The following FAM199X variants were observed in gnomAD, a reference collection of about 807,000 sequenced individuals.
FAM199X encodes the protein protein FAM199X.
FAM199X carries 4 observed loss-of-function variants against 22.9 expected under a neutral mutation model. The observed-to-expected ratio is 0.17, with a 90% CI of 0.09 to 0.40. The LOEUF (loss-of-function observed/expected upper bound fraction) is 0.40, where lower values mean the gene tolerates loss of function less well. FAM199X is among the 10% of genes least tolerant of loss of function. FAM199X has a pLI of 1.00. For missense variants in FAM199X, 183 were observed against 306.8 expected, an observed-to-expected ratio of 0.60 and a Z score of 3.01; for synonymous variants, 101 against 112.3, an observed-to-expected ratio of 0.90 and a Z score of 0.64.
At chrX:104,178,541 G>A (rs1921553328) in intron 2 of FAM199X, among the ~76,000 whole-genome samples, 1 of 111,255 alleles carries the variant, frequency 9.0e-6, no homozygotes, top group Non-Finnish European at 1.9e-5. Context: ...TCATCCTCCT[G>A]AGTATCTGGG....
At chrX:104,172,255 A>G (rs1246109918) in intron 1 of FAM199X, among the ~76,000 whole-genome samples, 1 of 106,832 alleles carries the variant, frequency 9.4e-6, no homozygotes, top group Non-Finnish European at 1.9e-5. Flanking sequence ...AAAAAAAAAA[A>G]AAGAAATGTG....
intron 2 of FAM199X, among the ~76,000 whole-genome samples, chrX:104,184,253 A>T (rs1394799448): frequency 8.9e-6 from 1 of 112,573 alleles, no homozygotes; most frequent in Non-Finnish European, 1.9e-5. Context: ...ACATGTGATC[A>T]CAATAGTCTT....
upstream of FAM199X, among the ~76,000 whole-genome samples, chrX:104,165,748 C>G (rs1556373607): frequency 2.7e-5 from 3 of 110,765 alleles, no homozygotes. Flanking sequence ...CAAGTTGATT[C>G]AAGTTGAACA....
At chrX:104,160,013 T>C in the FAM199X span, among the ~76,000 whole-genome samples, 1 of 112,355 alleles carries the variant, frequency 8.9e-6, no homozygotes, top group African/African-American at 3.2e-5. Flanking sequence ...ACTCCGCTGC[T>C]GCTGAGAGCA....
intron 2 of FAM199X, among the ~76,000 whole-genome samples, chrX:104,179,189 A>AT (rs1361854279): frequency 8.9e-6 from 1 of 111,741 alleles, no homozygotes; most frequent in African/African-American, 3.3e-5. Context: ...AGTAGTTGGG[A>AT]TTTTGGTAGA....
intron 2 of FAM199X, among the ~76,000 whole-genome samples, chrX:104,180,914 G>A (rs1921637179): frequency 8.9e-6 from 1 of 112,263 alleles, no homozygotes; most frequent in Admixed American, 9.4e-5. Context: ...GAAGAAAAAT[G>A]CTCACTACTT....
rs1253284519 is a variant in FAM199X at position 104,195,536 on chromosome X, T to C, written c.*5758T>C. On this transcript the variant is annotated 3_prime_UTR_variant, in exon 6 of 6. Coordinates refer to ENST00000493442, the MANE Select transcript of FAM199X (RefSeq NM_207318.4). ...GCTATTACTGGGCAGTAGGTCTAAT[T>C]TTTTTTGACAAAAAATAGATCTATT... The C allele has an allele frequency of 2.7e-5, 3 of 111,357 alleles. No individual in the cohort carries two copies. Among genetic ancestry groups the C allele is most frequent in the Non-Finnish European group, 5.7e-5 (3 of 53,003 alleles). 9.2% of individuals were successfully genotyped at this position (111,357 alleles called of 1,213,427 possible).
At chrX:104,189,338 T>C (rs960523339) in intron 5 of FAM199X, among the ~76,000 whole-genome samples, 2 of 111,517 alleles carry the variant, frequency 1.8e-5, no homozygotes, top group Admixed American at 1.9e-4. Context: ...AAAAAAGAAG[T>C]CTTTGAAGTG....
chrX:104,183,672 C>A (rs998755471), intron 2 of FAM199X, among the ~76,000 whole-genome samples: 1 of 111,288 alleles, frequency 9.0e-6, no homozygotes, highest in South Asian at 3.7e-4. Context: ...GCCATGTTGG[C>A]CAGGCTGGTC....
rs1160535309 is a variant in FAM199X, at chrX:104,195,011, G to A, written c.*5233G>A. Reference sequence around the variant, plus strand: ...AGCCTGTTTTCCCTGAAGCTGTGAGGGAATAACAATAGTTGTATCATAAGT... The same window carrying A: ...AGCCTGTTTTCCCTGAAGCTGTGAGAGAATAACAATAGTTGTATCATAAGT... On this transcript the variant is annotated 3_prime_UTR_variant, in exon 6 of 6. Transcript: ENST00000493442. 9.1e-6 allele frequency: 1 copy of A among 109,441 alleles called. No homozygotes were observed. The highest frequency in any genetic ancestry group is 1.9e-5 in the Non-Finnish European group (1 of 52,566). 9.0% of individuals were successfully genotyped at this position (109,441 alleles called of 1,213,427 possible). A position where few individuals can be genotyped will look rare whatever the true frequency, so the allele number is the denominator to read the frequency against.
At chrX:104,168,460 A>G (rs782559676) in intron 1 of FAM199X, among the ~76,000 whole-genome samples, 1 of 112,764 alleles carries the variant, frequency 8.9e-6, no homozygotes, top group East Asian at 2.8e-4. Flanking sequence ...AATGTAACAT[A>G]TTCATGAAAT....
chrX:104,157,358 C>T, the FAM199X span, among the ~76,000 whole-genome samples: 3 of 110,972 alleles, frequency 2.7e-5, no homozygotes, highest in East Asian at 8.5e-4. Flanking sequence ...CCCTTTCTAC[C>T]CTCTATTCTC....
Position 104,186,164 on chromosome X carries a change from G to A in FAM199X, c.516G>A (p.Lys172=). ...GCCTGCTTCCTAAAAAGAAAAACAA[G>A]CACCGGAATTTAGATGAACTCCCTT... The part of the protein sequence containing the change: ...SPCLLPKKKN[K]HRNLDELPWS... Residue 172 remains lysine, a synonymous_variant, in exon 3 of 6, where the codon AAG becomes AAA. Coordinates refer to ENST00000493442, the MANE Select transcript of FAM199X (RefSeq NM_207318.4). 1.7e-6 allele frequency: 2 copies of A among 1,210,800 alleles called. No individual in the cohort carries two copies. The highest frequency in any genetic ancestry group is 1.1e-6 in the Non-Finnish European group (1 of 895,176).
At chrX:104,185,993 A>G (rs947877243) in intron 2 of FAM199X, 73 bp from the exon 3 acceptor site, 11 of 987,933 alleles carry the variant, frequency 1.1e-5, no homozygotes, top group Admixed American at 8.4e-5. Context: ...TGTGGAAAAT[A>G]TATTGTAGTA....
intron 2 of FAM199X, among the ~76,000 whole-genome samples, chrX:104,185,436 C>G (rs1256716179): frequency 5.4e-5 from 6 of 110,949 alleles, no homozygotes; most frequent in African/African-American, 2.0e-4. Context: ...ATGATTGACT[C>G]TTCGGTTACC....
In FAM199X at chrX:104,166,935, GTCC is replaced by G. The variant is rs781905559; in HGVS notation, c.155_157del (p.Ser52del). 4 of 1,192,113 alleles carry G rather than the reference GTCC, an allele frequency of 3.4e-6. No individual in the cohort carries two copies. The highest frequency in any genetic ancestry group is 3.4e-6 in the Non-Finnish European group (3 of 885,140). Reference sequence around the variant, plus strand: ...ACATCAGCGACTTCGGCTGCCAGCTGTCCTCCTGCCATCGCACCGACCCGCTCC... The same window carrying G: ...ACATCAGCGACTTCGGCTGCCAGCTGTCCTGCCATCGCACCGACCCGCTCC... On this transcript the variant is annotated inframe_deletion, in exon 1 of 6. Transcript: ENST00000493442.
intron 1 of FAM199X, among the ~76,000 whole-genome samples, 170 bp from the exon 2 acceptor site, chrX:104,175,453 G>A (rs1382448233): frequency 2.7e-5 from 3 of 111,624 alleles, no homozygotes; most frequent in South Asian, 3.7e-4. Flanking sequence ...TCCTAGACAT[G>A]TATCATTCAT....
intron 1 of FAM199X, among the ~76,000 whole-genome samples, chrX:104,172,763 C>A (rs1245505627): frequency 1.9e-5 from 2 of 107,996 alleles, no homozygotes; most frequent in African/African-American, 6.8e-5. Context: ...AGAATTTTTA[C>A]AAACTAAAAA....
At chrX:104,174,711 T>C (rs1921446854) in intron 1 of FAM199X, among the ~76,000 whole-genome samples, 1 of 111,885 alleles carries the variant, frequency 8.9e-6, no homozygotes, top group Non-Finnish European at 1.9e-5. Context: ...GTTTAGCATA[T>C]TAATGTTAAG....
Sources: gnomAD v4.1 joint callset for allele counts (sites outside exome capture counted in the v4.1 genomes callset) on GRCh38, gnomAD v4.1.1 for gene constraint, MANE v1.5 for transcripts, NCBI Gene and HGNC (gene_info 2026-07-23, HGNC 2026-07-21) for gene names.